The following DHRS2 variants were observed in gnomAD, a reference collection of about 807,000 sequenced individuals.
DHRS2 encodes dehydrogenase/reductase SDR family member 2, mitochondrial.
DHRS2 carries 29 observed loss-of-function variants against 26.3 expected under a neutral mutation model. The observed-to-expected ratio is 1.10, with a 90% CI of 0.82 to 1.50. The LOEUF (loss-of-function observed/expected upper bound fraction) is 1.50. Among genes scored for constraint, DHRS2 ranks in the 40% most tolerant of loss-of-function variants. The pLI, the probability that DHRS2 is intolerant of heterozygous loss-of-function variation, is 0.00. For synonymous variants in DHRS2, 164 were observed against 151.3 expected (o/e 1.08, Z -0.62); for missense variants, 439 against 367.1 (o/e 1.20, Z -1.60).
intron 8 of DHRS2, 87 bp from the exon 9 acceptor site, chr14:23,645,055 G>T: frequency 6.3e-7 from 1 of 1,597,404 alleles, no homozygotes; most frequent in Non-Finnish European, 8.6e-7. Context: ...GTTCCCCATG[G>T]AGCCCACTCC....
In DHRS2 at chr14:23,645,144, T is replaced by C. The variant is rs541700384; in HGVS notation, c.734T>C (p.Ile245Thr). Reference sequence around the variant, plus strand: ...CACTGTGTCCTTCTTCCATCCAGGATTGGGGAGTCAGAGGACTGTGCAGGA... The same window carrying C: ...CACTGTGTCCTTCTTCCATCCAGGACTGGGGAGTCAGAGGACTGTGCAGGA... Reference protein sequence around the residue: ...NFKEHHQLQRIGESEDCAGIV... With the variant: ...NFKEHHQLQRTGESEDCAGIV... The change falls in exon 9 of 9, where the codon ATT (isoleucine) becomes ACT (threonine). Residue 245 changes from isoleucine (I) to threonine (T), a missense_variant and splice_region_variant. Coordinates refer to ENST00000250383, the MANE Select transcript of DHRS2 (RefSeq NM_005794.4). The C allele has an allele frequency of 1.2e-4, 187 of 1,613,958 alleles. 1 individual carries two copies. The highest frequency in any genetic ancestry group is 8.2e-4 in the Middle Eastern group (5 of 6,062).
chr14:23,637,879 C>G (rs150296458), intron 1 of DHRS2, among the ~76,000 whole-genome samples: 2 of 152,130 alleles, frequency 1.3e-5, no homozygotes, highest in African/African-American at 2.4e-5. Flanking sequence ...CCAATCAGCT[C>G]TCTGTAAAAT....
Position 23,638,819 on chromosome 14 carries a change from TC to T in DHRS2, c.-38-3del, listed in dbSNP as rs780298869. 6 of 1,590,628 alleles carry T rather than the reference TC, an allele frequency of 3.8e-6. No homozygotes were observed. On this transcript the variant is annotated splice_polypyrimidine_tract_variant and splice_region_variant and intron_variant, in intron 1 of 8. Transcript: ENST00000250383. ...TCAGTGATAAGTGAAATTGATTCTT[TC>T]CCCCAGGCCTGATTCAGCAGGAAGC...
chr14:23,641,880 C>T (rs1890686518), intron 4 of DHRS2: 1 of 1,217,550 alleles, frequency 8.2e-7, no homozygotes. Context: ...GGTCTCATTC[C>T]CTAGAGATGC....
Position 23,639,816 on chromosome 14 carries a change from T to G in DHRS2, c.341T>G (p.Val114Gly), listed in dbSNP as rs1290885577. Residue 114 changes from valine to glycine, a missense_variant, in exon 4 of 9, where the codon GTC becomes GGC. Physicochemically the swap from Val to Gly is moderately radical, Grantham distance 109. Coordinates refer to ENST00000250383, the MANE Select transcript of DHRS2 (RefSeq NM_005794.4). ...CAGGCCCTGGAGCACTGTGGGGGCG[T>G]CGACTTCCTGGTGTGCAGCGCAGGG... is the stretch of plus-strand genomic sequence containing the variant. ...VAKALEHCGG[V>G]DFLVCSAGVN... is the part of the protein sequence containing the mutation. 1 of 1,609,574 alleles carries G rather than the reference T, an allele frequency of 6.2e-7. No homozygotes were observed. Among genetic ancestry groups the G allele is most frequent in the East Asian group, 2.2e-5 (1 of 44,482 alleles).
At chr14:23,630,501 G>A (rs1890091603) in intron 1 of DHRS2, among the ~76,000 whole-genome samples, 1 of 152,250 alleles carries the variant, frequency 6.6e-6, no homozygotes, top group Non-Finnish European at 1.5e-5. Flanking sequence ...CTGTGATACA[G>A]ATGGAGGCAA....
chr14:23,637,983 A>G (rs530708221), intron 1 of DHRS2: 113 of 152,264 alleles, frequency 7.4e-4, no homozygotes, highest in African/African-American at 2.6e-3. Context: ...CCCCTTCCAC[A>G]CTGTGGAAGT....
intron 3 of DHRS2, 94 bp from the exon 4 acceptor site, chr14:23,639,700 C>A: frequency 7.4e-7 from 1 of 1,354,672 alleles, no homozygotes; most frequent in Non-Finnish European, 9.9e-7. Flanking sequence ...AGGAGCTCTG[C>A]AAGCTTTGCC....
rs776497255 is a variant in DHRS2, at chr14:23,645,255, A to G, written c.*2A>G. On this transcript the variant is annotated 3_prime_UTR_variant, in exon 9 of 9. Coordinates refer to ENST00000250383, the MANE Select transcript of DHRS2 (RefSeq NM_005794.4). ...GCAGGCTACTCCACTCGGCTCTGAGAGGAGTGGGGGCGGCTGCGTAGCTGT... is the reference window on the plus strand; with the variant it reads ...GCAGGCTACTCCACTCGGCTCTGAGGGGAGTGGGGGCGGCTGCGTAGCTGT... 2.5e-6 allele frequency: 4 copies of G among 1,613,978 alleles called. No individual in the cohort carries two copies. In the South Asian group the frequency reaches 3.3e-5, roughly 13 times the overall value.
Position 23,644,969 on chromosome 14 carries a change from T to A in DHRS2, c.731+87T>A, listed in dbSNP as rs1890817787. The A allele has an allele frequency of 3.8e-6, 6 of 1,567,148 alleles. No individual in the cohort carries two copies. In the East Asian group the frequency reaches 1.1e-4, roughly 29 times the overall value. On this transcript the variant is annotated intron_variant, in intron 8 of 8. Transcript: ENST00000250383. ...TGCAAGAGCAGACCCCTCCCTGTCATCTGGCCATTGTTTTTGCTGAAATCT... is the reference window on the plus strand; with the variant it reads ...TGCAAGAGCAGACCCCTCCCTGTCAACTGGCCATTGTTTTTGCTGAAATCT...
intron 4 of DHRS2, chr14:23,642,073 G>C: frequency 9.4e-7 from 1 of 1,069,086 alleles, no homozygotes. Context: ...GTCAGGACAT[G>C]TGTGACTTAG....
chr14:23,643,564 C>T (rs747238324), intron 5 of DHRS2: 81 of 312,194 alleles, frequency 2.6e-4, no homozygotes, highest in Non-Finnish European at 4.1e-4. Context: ...CAGGGTTAGC[C>T]CCATTCCTCT....
intron 1 of DHRS2, chr14:23,637,898 C>T (rs1890412758): frequency 6.6e-6 from 1 of 152,342 alleles, no homozygotes; most frequent in South Asian, 2.1e-4. Context: ...ATGGACCAAT[C>T]AGCAGGATGT....
At chr14:23,632,541 T>G (rs1284073952), upstream of DHRS2, among the ~76,000 whole-genome samples, 1 of 152,218 alleles carries the variant, frequency 6.6e-6, no homozygotes, top group South Asian at 2.1e-4. Context: ...TTTGGTCGCC[T>G]GCATTTTGAC....
upstream of DHRS2, among the ~76,000 whole-genome samples, chr14:23,633,564 C>T (rs1224589085): frequency 1.3e-5 from 2 of 152,088 alleles, no homozygotes; most frequent in African/African-American, 4.8e-5. Context: ...TGCAACTTTC[C>T]CAGCCTGATT....
At chr14:23,636,269 A>G (rs1056641697), upstream of DHRS2, 1 of 152,178 alleles carries the variant, frequency 6.6e-6, no homozygotes. Context: ...GCTCTCTGTA[A>G]AATGGACCAA....
chr14:23,644,924 G>T, intron 8 of DHRS2, 42 bp downstream of exon 8: 4 of 1,608,320 alleles, frequency 2.5e-6, no homozygotes, highest in Non-Finnish European at 3.4e-6. Context: ...GTGTGGCTAG[G>T]CAGGGGCAGT....
In DHRS2 at chr14:23,641,649, CA is replaced by C. The variant is rs1273854412; in HGVS notation, c.421-1501del. 4 of 1,289,702 alleles carry C rather than the reference CA, an allele frequency of 3.1e-6. No homozygotes were observed. In the East Asian group the frequency reaches 2.2e-4, roughly 72 times the overall value. The allele number at this position is 1,289,702 out of a possible 1,614,324, so 79.9% of individuals were successfully genotyped here. A position where few individuals can be genotyped will look rare whatever the true frequency, so the allele number is the denominator to read the frequency against. ...AAACCCTTACAGCTAACCTAATCCT[CA>C]ATTCCTTCTTATTAGGGACCTCAGG... On this transcript the variant is annotated intron_variant, in intron 4 of 8. Coordinates refer to ENST00000250383, the MANE Select transcript of DHRS2 (RefSeq NM_005794.4).
rs756027955 is a variant in DHRS2, at chr14:23,638,888, C to T, written c.24C>T (p.Gly8=). 4 of 1,613,960 alleles carry T rather than the reference C, an allele frequency of 2.5e-6. No homozygotes were observed. The African/African-American group carries it at 5.3e-5, about 22-fold the overall frequency. Residue 8 remains glycine, a synonymous_variant, in exon 2 of 9, where the codon GGC becomes GGT. Coordinates refer to ENST00000250383, the MANE Select transcript of DHRS2 (RefSeq NM_005794.4). MLSAVAR[G]YQGWFHPCAR... ...CTATGCTGTCAGCAGTTGCCCGGGG[C>T]TACCAGGGCTGGTTTCATCCCTGTG... is the stretch of plus-strand genomic sequence containing the variant.
Sources: gnomAD v4.1 joint callset for allele counts (sites outside exome capture counted in the v4.1 genomes callset) on GRCh38, gnomAD v4.1.1 for gene constraint, MANE v1.5 for transcripts, NCBI Gene and HGNC (gene_info 2026-07-23, HGNC 2026-07-21) for gene names.